Variants in GPC6 observed in about 807,000 individuals in gnomAD.
GPC6 encodes glypican-6.
In GPC6, 14 loss-of-function variants were observed where a neutral mutation model predicts 55.2. The ratio of observed to expected loss-of-function variants is 0.25; its 90% CI spans 0.17 to 0.40. GPC6 has a LOEUF of 0.40. Among genes scored for constraint, GPC6 ranks in the 10% least tolerant of loss-of-function variants. GPC6 has a pLI of 1.00. For missense variants in GPC6, 641 were observed against 708.5 expected, an observed-to-expected ratio of 0.90 and a Z score of 1.08; for synonymous variants, 278 against 259.6, an observed-to-expected ratio of 1.07 and a Z score of -0.68.
At chr13:93,484,713 G>A (rs1879639037) in intron 1 of GPC6, among the ~76,000 whole-genome samples, 1 of 152,058 alleles carries the variant, frequency 6.6e-6, no homozygotes, top group Non-Finnish European at 1.5e-5. Flanking sequence ...TTGAATGTAT[G>A]TATATAATAA....
chr13:93,455,649 C>G (rs1042447263), intron 1 of GPC6, among the ~76,000 whole-genome samples: 3 of 151,922 alleles, frequency 2.0e-5, no homozygotes, highest in Admixed American at 6.6e-5. Context: ...ATCTAAAAAG[C>G]CATGGGGTGT....
At chr13:93,341,506 G>C (rs998105976) in intron 1 of GPC6, among the ~76,000 whole-genome samples, 4 of 152,126 alleles carry the variant, frequency 2.6e-5, no homozygotes, top group African/African-American at 7.2e-5. Context: ...TAGTGATGTT[G>C]AGCATTTTTT....
chr13:93,279,262 G>A (rs1019551680), intron 1 of GPC6, among the ~76,000 whole-genome samples: 8 of 152,156 alleles, frequency 5.3e-5, no homozygotes, highest in Non-Finnish European at 8.8e-5. Context: ...GGAGCATGTG[G>A]ATTCAATTCC....
At chr13:93,560,805 T>C (rs1487090408) in intron 2 of GPC6, among the ~76,000 whole-genome samples, 3 of 151,210 alleles carry the variant, frequency 2.0e-5, no homozygotes, top group East Asian at 1.9e-4. Context: ...ATATCCAGCA[T>C]AACCCTGTTA....
At chr13:94,240,763 A>G (rs973488038) in intron 4 of GPC6, among the ~76,000 whole-genome samples, 2 of 152,176 alleles carry the variant, frequency 1.3e-5, no homozygotes, top group Non-Finnish European at 2.9e-5. Flanking sequence ...CCAGTGCTGC[A>G]GGTGCCGTAT....
rs530106455 is a variant in GPC6, at chr13:93,389,936, T to G, written c.161-155327T>G. Among the ~76,000 whole-genome samples, 281 of 152,296 alleles carry G rather than the reference T, an allele frequency of 1.8e-3. 1 individual carries two copies. Among genetic ancestry groups the G allele is most frequent in the African/African-American group, 6.5e-3 (269 of 41,560 alleles). On this transcript the variant is annotated intron_variant, in intron 1 of 8. Coordinates refer to ENST00000377047, the MANE Select transcript of GPC6 (RefSeq NM_005708.5). Reference sequence around the variant, plus strand: ...CAGACTTTAAAGGAATAGTGATTTTTGCTTGCTTTTACTACTAATGAATTT... The same window carrying G: ...CAGACTTTAAAGGAATAGTGATTTTGGCTTGCTTTTACTACTAATGAATTT...
chr13:93,695,919 A>G (rs1882436768), intron 2 of GPC6, among the ~76,000 whole-genome samples: 5 of 152,144 alleles, frequency 3.3e-5, no homozygotes, highest in South Asian at 2.1e-4. Flanking sequence ...AAAGATGATA[A>G]TGAATTCTTA....
chr13:94,117,862 T>G (rs1416477297), intron 4 of GPC6, among the ~76,000 whole-genome samples: 2 of 151,984 alleles, frequency 1.3e-5, no homozygotes, highest in African/African-American at 4.8e-5. Flanking sequence ...TGAATATAGA[T>G]TTGGAGGTTA....
In GPC6 at chr13:94,178,025, A is replaced by ATTTTTTTTTTTTTTTTTTTTTTT. The variant is rs767978319; in HGVS notation, c.878-108313_878-108312insTTTTTTTTTTTTTTTTTTTTTTT. 3.5e-4 allele frequency among the ~76,000 whole-genome samples: 47 copies of ATTTTTTTTTTTTTTTTTTTTTTT among 132,954 alleles called. 2 individuals carry two copies. Among genetic ancestry groups the ATTTTTTTTTTTTTTTTTTTTTTT allele is most frequent in the Middle Eastern group, 3.9e-3 (1 of 254 alleles). 87.2% of individuals were successfully genotyped at this position (132,954 alleles called of 152,430 possible). On this transcript the variant is annotated intron_variant, in intron 4 of 8. Coordinates refer to ENST00000377047, the MANE Select transcript of GPC6 (RefSeq NM_005708.5). Reference sequence around the variant, plus strand: ...ATCATTCTTTTTCAGTGGCCTTTTAATTTTTTTTTTTGAGATGGAGTCTCA... The same window carrying ATTTTTTTTTTTTTTTTTTTTTTT: ...ATCATTCTTTTTCAGTGGCCTTTTAATTTTTTTTTTTTTTTTTTTTTTTTTTTTTTTTTTGAGATGGAGTCTCA...
At chr13:94,056,196 T>A (rs1884126690) in intron 4 of GPC6, among the ~76,000 whole-genome samples, 1 of 152,200 alleles carries the variant, frequency 6.6e-6, no homozygotes, top group African/African-American at 2.4e-5. Flanking sequence ...GACACACATG[T>A]CTTGTAACAC....
At chr13:94,190,067 TAATCCCAACAC>T (rs1194639319) in intron 4 of GPC6, among the ~76,000 whole-genome samples, 1 of 151,192 alleles carries the variant, frequency 6.6e-6, no homozygotes, top group Non-Finnish European at 1.5e-5. Flanking sequence ...CTCACACCTG[TAATCCCAACAC>T]TTTGGGAGGC....
rs979257659 is a variant in GPC6, at chr13:94,372,951, C to T, written c.1153-9463C>T. ...ACTGGGAGGCACCCCCCAGCAGGAG[C>T]ACACTGACACCTCACACGGCAGGGT... On this transcript the variant is annotated intron_variant, in intron 6 of 8. Coordinates refer to ENST00000377047, the MANE Select transcript of GPC6 (RefSeq NM_005708.5). Among the ~76,000 whole-genome samples, 45 of 151,838 alleles carry T rather than the reference C, an allele frequency of 3.0e-4. 1 individual carries two copies. The highest frequency in any genetic ancestry group is 4.4e-5 in the Non-Finnish European group (3 of 67,954).
At chr13:93,559,311 G>A (rs1472067342) in intron 2 of GPC6, among the ~76,000 whole-genome samples, 1 of 152,104 alleles carries the variant, frequency 6.6e-6, no homozygotes, top group African/African-American at 2.4e-5. Flanking sequence ...TAAATTTCAT[G>A]TGTTATACTT....
At chr13:93,544,549 A>T (rs1205118288) in intron 1 of GPC6, among the ~76,000 whole-genome samples, 1 of 152,200 alleles carries the variant, frequency 6.6e-6, no homozygotes, top group African/African-American at 2.4e-5. Context: ...TAATTTCATG[A>T]AGCAAAGGAT....
intron 6 of GPC6, among the ~76,000 whole-genome samples, chr13:94,374,406 GT>G (rs1879737579): frequency 6.7e-6 from 1 of 149,306 alleles, no homozygotes. Flanking sequence ...AAAGGCAGGG[GT>G]TGCAATCCTA....
At chr13:93,573,930 T>C (rs996038340) in intron 2 of GPC6, among the ~76,000 whole-genome samples, 1 of 152,176 alleles carries the variant, frequency 6.6e-6, no homozygotes, top group African/African-American at 2.4e-5. Context: ...GTAAATGTCC[T>C]CTAACAGGAT....
At chr13:93,463,685 C>A (rs1283963884) in intron 1 of GPC6, among the ~76,000 whole-genome samples, 1 of 152,128 alleles carries the variant, frequency 6.6e-6, no homozygotes, top group Non-Finnish European at 1.5e-5. Context: ...CCCTAATTAA[C>A]CTGAACCACA....
intron 5 of GPC6, among the ~76,000 whole-genome samples, chr13:94,290,774 A>G (rs1874919158): frequency 6.6e-6 from 1 of 152,254 alleles, no homozygotes; most frequent in Admixed American, 6.5e-5. Flanking sequence ...ATTTATTACT[A>G]GAATGCAAAT....
intron 3 of GPC6, among the ~76,000 whole-genome samples, chr13:94,009,291 G>A (rs1882146377): frequency 1.3e-5 from 2 of 152,146 alleles, no homozygotes; most frequent in South Asian, 4.1e-4. Context: ...GTTGTTATAG[G>A]AAAGTCACTC....
Sources: allele counts gnomAD v4.1 joint callset (sites outside exome capture counted in the v4.1 genomes callset), GRCh38; gene constraint gnomAD v4.1.1; transcripts MANE v1.5; gene names NCBI Gene and HGNC (gene_info 2026-07-23, HGNC 2026-07-21).